Variants in ANTXR1 observed in about 807,000 individuals in gnomAD.
ANTXR1 encodes the protein anthrax toxin receptor 1.
A neutral mutation model predicts 78.1 loss-of-function variants in ANTXR1; 19 were observed. The observed-to-expected ratio is 0.24, with a 90% CI of 0.17 to 0.36. The LOEUF (loss-of-function observed/expected upper bound fraction) is 0.36. Ranked by LOEUF, ANTXR1 falls within the 10% of genes least tolerant of loss-of-function variation. ANTXR1 has a pLI of 1.00. For missense variants in ANTXR1, 518 were observed against 718.6 expected (o/e 0.72, Z 3.19); for synonymous variants, 273 against 260.5 (o/e 1.05, Z -0.46).
chr2:69,112,518 A>T (rs1236522356), intron 10 of ANTXR1, among the ~76,000 whole-genome samples: 1 of 152,212 alleles, frequency 6.6e-6, no homozygotes, highest in African/African-American at 2.4e-5. Context: ...TTGCAGAAAG[A>T]TAATCGCAGA....
At position 69,108,924 on chromosome 2, in the gene ANTXR1, T is replaced by C. The variant is rs187289788; in HGVS notation, c.802+5984T>C. Among the ~76,000 whole-genome samples the C allele has an allele frequency of 4.7e-4, 71 of 152,256 alleles. 1 individual carries two copies. Among genetic ancestry groups the C allele is most frequent in the Admixed American group, 4.2e-3 (64 of 15,274 alleles). ...ATTTAATCAAATTTGTAAAGACATA[T>C]ATGATGAAAGTCACAAAACTTTCTG... On this transcript the variant is annotated intron_variant, in intron 10 of 17. Coordinates refer to ENST00000303714, the MANE Select transcript of ANTXR1 (RefSeq NM_032208.3).
intron 12 of ANTXR1, among the ~76,000 whole-genome samples, chr2:69,143,594 A>G (rs1029456642): frequency 6.6e-6 from 1 of 152,096 alleles, no homozygotes; most frequent in Non-Finnish European, 1.5e-5. Context: ...AGTTTAAACT[A>G]TGGGAGGAAA....
At chr2:69,137,611 AC>A (rs1672949982) in intron 12 of ANTXR1, among the ~76,000 whole-genome samples, 1 of 151,806 alleles carries the variant, frequency 6.6e-6, no homozygotes, top group Non-Finnish European at 1.5e-5. Context: ...TTTTGTAGAG[AC>A]CCTATCTCTA....
At chr2:69,101,037 C>G (rs1364087374) in intron 9 of ANTXR1, among the ~76,000 whole-genome samples, 1 of 152,204 alleles carries the variant, frequency 6.6e-6, no homozygotes. Flanking sequence ...TGACATGACT[C>G]TGAGCAAGTC....
chr2:69,090,945 C>T (rs760203759), intron 9 of ANTXR1, 26 bp downstream of exon 9: 4 of 1,605,296 alleles, frequency 2.5e-6, no homozygotes, highest in Middle Eastern at 1.7e-4. Context: ...ATGCTAATTG[C>T]TTTCATACAA....
intron 13 of ANTXR1, among the ~76,000 whole-genome samples, chr2:69,161,834 G>A (rs1284005856): frequency 6.6e-6 from 1 of 152,090 alleles, no homozygotes; most frequent in Non-Finnish European, 1.5e-5. Context: ...CTCTGTTCTG[G>A]TGGCTTCTCA....
chr2:69,232,433 T>G (rs1675642798), intron 17 of ANTXR1, among the ~76,000 whole-genome samples: 1 of 151,298 alleles, frequency 6.6e-6, no homozygotes, highest in African/African-American at 2.4e-5. Context: ...ATTAAACTCT[T>G]GCTTCAAAAA....
At chr2:69,072,174 G>T (rs1453480745) in intron 5 of ANTXR1, among the ~76,000 whole-genome samples, 1 of 152,098 alleles carries the variant, frequency 6.6e-6, no homozygotes, top group African/African-American at 2.4e-5. Context: ...TACTGTGACT[G>T]AACATAACAT....
intron 13 of ANTXR1, among the ~76,000 whole-genome samples, chr2:69,163,437 C>T (rs758090765): frequency 6.6e-6 from 1 of 152,174 alleles, no homozygotes; most frequent in Non-Finnish European, 1.5e-5. Context: ...CCCTCTAAGG[C>T]AACTGGTGGC....
At chr2:69,056,658 T>G (rs902058570) in intron 3 of ANTXR1, among the ~76,000 whole-genome samples, 2 of 152,130 alleles carry the variant, frequency 1.3e-5, no homozygotes, top group African/African-American at 4.8e-5. Context: ...ATAATATATA[T>G]TCATATTAAA....
rs1156861454 is a variant in ANTXR1 at position 69,170,230 on chromosome 2, T to G, written c.1048-18T>G. 1.2e-6 allele frequency: 2 copies of G among 1,614,024 alleles called. No homozygotes were observed. The highest frequency in any genetic ancestry group is 1.7e-6 in the Non-Finnish European group (2 of 1,179,994). On this transcript the variant is annotated intron_variant, in intron 13 of 17. Transcript: ENST00000303714. ...AGCCAGAGATTTTTCACTGACCTGT[T>G]CTCTGTTTTCTTTTCAGATTATCAA... is the stretch of plus-strand genomic sequence containing the variant.
intron 11 of ANTXR1, 76 bp from the exon 12 acceptor site, chr2:69,124,487 AGT>A (rs1672464712): frequency 8.1e-7 from 1 of 1,235,876 alleles, no homozygotes; most frequent in Admixed American, 1.7e-5. Context: ...AGCCCAAAGG[AGT>A]CCTGTGTGTC....
At chr2:69,061,713 G>A (rs551675531) in intron 3 of ANTXR1, among the ~76,000 whole-genome samples, 151 of 152,182 alleles carry the variant, frequency 9.9e-4, no homozygotes, top group Non-Finnish European at 1.4e-3. Context: ...GAATAAATAG[G>A]TCAGTAGCTA....
chr2:69,062,330 G>C (rs951300405), intron 3 of ANTXR1, among the ~76,000 whole-genome samples: 6 of 152,178 alleles, frequency 3.9e-5, no homozygotes, highest in African/African-American at 1.4e-4. Flanking sequence ...ACATAATTAG[G>C]TGGATTCTCA....
intron 16 of ANTXR1, among the ~76,000 whole-genome samples, chr2:69,189,461 TG>T (rs1179500628): frequency 1.3e-5 from 2 of 152,214 alleles, no homozygotes; most frequent in Non-Finnish European, 2.9e-5. Context: ...GCCAGTAAGA[TG>T]TTTCATGGTT....
intron 9 of ANTXR1, among the ~76,000 whole-genome samples, chr2:69,102,233 G>T (rs1671643720): frequency 6.6e-6 from 1 of 152,218 alleles, no homozygotes; most frequent in Non-Finnish European, 1.5e-5. Context: ...TGCCATAGTG[G>T]TATCAAACAA....
chr2:69,191,904 C>T (rs985818178), intron 16 of ANTXR1, among the ~76,000 whole-genome samples: 2 of 152,262 alleles, frequency 1.3e-5, no homozygotes, highest in African/African-American at 4.8e-5. Flanking sequence ...CTCTCTTTGA[C>T]CCTCCATTTC....
intron 17 of ANTXR1, among the ~76,000 whole-genome samples, chr2:69,204,543 A>G (rs1248221149): frequency 2.0e-5 from 3 of 152,090 alleles, no homozygotes; most frequent in Non-Finnish European, 4.4e-5. Flanking sequence ...CCTCTTTTTA[A>G]TATAGGAAAG....
At chr2:69,186,128 C>A (rs1361887436) in intron 16 of ANTXR1, among the ~76,000 whole-genome samples, 1 of 152,168 alleles carries the variant, frequency 6.6e-6, no homozygotes, top group African/African-American at 2.4e-5. Flanking sequence ...TGAAACCACT[C>A]CCCAGAGCAT....
Sources: gnomAD v4.1 joint callset for allele counts (sites outside exome capture counted in the v4.1 genomes callset) on GRCh38, gnomAD v4.1.1 for gene constraint, MANE v1.5 for transcripts, NCBI Gene and HGNC (gene_info 2026-07-23, HGNC 2026-07-21) for gene names.